The following PTPRD variants were observed in gnomAD, a reference collection of about 807,000 sequenced individuals.
The protein encoded by PTPRD is receptor-type tyrosine-protein phosphatase delta.
Under a neutral mutation model 214.5 loss-of-function variants are expected in PTPRD, and 34 were observed. That is an observed-to-expected ratio of 0.16 (90% CI 0.12 to 0.21). The LOEUF (loss-of-function observed/expected upper bound fraction) is 0.21, where lower values mean the gene tolerates loss of function less well. PTPRD is among the 10% of genes least tolerant of loss of function. PTPRD has a pLI of 1.00. For missense variants in PTPRD, 2,545 were observed against 2,398.7 expected (o/e 1.06, Z -1.27); for synonymous variants, 1,128 against 845.7 (o/e 1.33, Z -5.79).
chr9:9,032,698 G>C (rs1346887106), intron 10 of PTPRD, among the ~76,000 whole-genome samples: 2 of 152,110 alleles, frequency 1.3e-5, no homozygotes, highest in East Asian at 3.9e-4. Context: ...GTATAGTTCA[G>C]ACAAGGTTTG....
intron 11 of PTPRD, among the ~76,000 whole-genome samples, chr9:8,916,455 G>A (rs1041941255): frequency 2.6e-5 from 4 of 152,072 alleles, no homozygotes; most frequent in African/African-American, 9.7e-5. Context: ...GTAAGTGGGG[G>A]CACTGAAATA....
chr9:8,740,089 T>G (rs1258197272), intron 11 of PTPRD, among the ~76,000 whole-genome samples: 1 of 152,116 alleles, frequency 6.6e-6, no homozygotes, highest in Non-Finnish European at 1.5e-5. Context: ...AATAAAAGAT[T>G]TCATTTTTTT....
intron 2 of PTPRD, among the ~76,000 whole-genome samples, chr9:10,517,009 C>T (rs79988073): frequency 0.031 from 4,704 of 151,966 alleles, 104 homozygotes; most frequent in Middle Eastern, 0.068. Context: ...AATTTCAATG[C>T]TTTCAATTTT....
chr9:10,583,975 A>G (rs572413543), intron 2 of PTPRD, among the ~76,000 whole-genome samples: 1 of 152,240 alleles, frequency 6.6e-6, no homozygotes, highest in East Asian at 1.9e-4. Context: ...TATAAGGTAC[A>G]CCAGTAACAA....
chr9:10,449,551 G>A (rs995375453), intron 2 of PTPRD, among the ~76,000 whole-genome samples: 21 of 151,694 alleles, frequency 1.4e-4, no homozygotes, highest in Non-Finnish European at 2.9e-4. Context: ...TCTGGGAAGT[G>A]AGGAGCGTCT....
At chr9:8,693,585 G>A (rs993251033) in intron 12 of PTPRD, among the ~76,000 whole-genome samples, 3 of 152,136 alleles carry the variant, frequency 2.0e-5, no homozygotes, top group African/African-American at 7.2e-5. Flanking sequence ...ATTCTACGAG[G>A]GGTGTACATC....
intron 9 of PTPRD, among the ~76,000 whole-genome samples, chr9:9,198,734 C>T (rs2099940137): frequency 6.6e-6 from 1 of 152,100 alleles, no homozygotes; most frequent in Admixed American, 6.5e-5. Context: ...CCTTATGATT[C>T]CCTTGGGTTA....
chr9:9,337,110 T>C lies in PTPRD; in HGVS notation c.-203+60339A>G, dbSNP rs148174343. ...ATGGGCTGTACTTTCCCAACATTTC[T>C]TTCCCAACCTTGGAAACAGGGAAAG... On this transcript the variant is annotated intron_variant, in intron 9 of 45. Coordinates refer to ENST00000381196, the MANE Select transcript of PTPRD (RefSeq NM_002839.4). Among the ~76,000 whole-genome samples, 574 of 152,276 alleles carry C rather than the reference T, an allele frequency of 3.8e-3. 6 individuals carry two copies. Among genetic ancestry groups the C allele is most frequent in the African/African-American group, 0.013 (553 of 41,562 alleles).
At chr9:8,668,731 C>T (rs1785816582) in intron 12 of PTPRD, among the ~76,000 whole-genome samples, 1 of 152,158 alleles carries the variant, frequency 6.6e-6, no homozygotes, top group African/African-American at 2.4e-5. Context: ...TCATAACTGT[C>T]TTTCAATTAA....
chr9:9,275,100 A>AT (rs1944656608), intron 9 of PTPRD, among the ~76,000 whole-genome samples: 2 of 62,752 alleles, frequency 3.2e-5, no homozygotes, highest in African/African-American at 1.3e-4. Flanking sequence ...TGTTATATAT[A>AT]TAATATATTA....
chr9:10,553,093 C>T (rs2061700879), intron 2 of PTPRD, among the ~76,000 whole-genome samples: 1 of 152,168 alleles, frequency 6.6e-6, no homozygotes, highest in African/African-American at 2.4e-5. Flanking sequence ...CTAGCAACAT[C>T]TCCATGCTGA....
intron 36 of PTPRD, among the ~76,000 whole-genome samples, chr9:8,390,448 C>T (rs895793507): frequency 2.6e-5 from 4 of 152,096 alleles, no homozygotes; most frequent in African/African-American, 9.7e-5. Context: ...GCCGCCATCC[C>T]AGAAGGCCTG....
At chr9:10,285,581 T>C (rs1235360693) in intron 3 of PTPRD, among the ~76,000 whole-genome samples, 1 of 151,330 alleles carries the variant, frequency 6.6e-6, no homozygotes, top group Non-Finnish European at 1.5e-5. Flanking sequence ...ACTGGACATG[T>C]TTCATATTAT....
At chr9:8,466,917 C>T (rs1189962581) in intron 31 of PTPRD, among the ~76,000 whole-genome samples, 2 of 151,718 alleles carry the variant, frequency 1.3e-5, no homozygotes, top group African/African-American at 4.8e-5. Flanking sequence ...CAAGGCTAGG[C>T]TTCTGTGATA....
intron 2 of PTPRD, among the ~76,000 whole-genome samples, chr9:10,545,526 T>G (rs2059996373): frequency 6.6e-6 from 1 of 152,176 alleles, no homozygotes; most frequent in African/African-American, 2.4e-5. Flanking sequence ...TGTTTATTTA[T>G]TGATTGATTT....
At chr9:9,246,363 G>C (rs1165459808) in intron 9 of PTPRD, among the ~76,000 whole-genome samples, 2 of 151,964 alleles carry the variant, frequency 1.3e-5, no homozygotes, top group Non-Finnish European at 2.9e-5. Flanking sequence ...CACTTGATAT[G>C]GACTTCAGAA....
At chr9:9,035,877 C>A (rs746111770) in intron 10 of PTPRD, among the ~76,000 whole-genome samples, 5 of 151,822 alleles carry the variant, frequency 3.3e-5, no homozygotes, top group Admixed American at 2.0e-4. Flanking sequence ...GAGAGAATTT[C>A]TGGGTTGGGA....
intron 9 of PTPRD, among the ~76,000 whole-genome samples, chr9:9,211,960 C>T (rs13298586): frequency 0.047 from 7,104 of 152,140 alleles, 415 homozygotes; most frequent in African/African-American, 0.14. Flanking sequence ...GTGATCTATG[C>T]TGTCTCCCCA....
chr9:10,071,908 G>A (rs922857799), intron 3 of PTPRD, among the ~76,000 whole-genome samples: 67 of 151,274 alleles, frequency 4.4e-4, no homozygotes, highest in Non-Finnish European at 7.1e-4. Flanking sequence ...AATTTTTTTC[G>A]TTTTTTTAAA....
Sources: gnomAD v4.1 joint callset for allele counts (sites outside exome capture counted in the v4.1 genomes callset) on GRCh38, gnomAD v4.1.1 for gene constraint, MANE v1.5 for transcripts, NCBI Gene and HGNC (gene_info 2026-07-23, HGNC 2026-07-21) for gene names.